SP100: variants seen among roughly 807,000 people sequenced by gnomAD.
The protein encoded by SP100 is nuclear autoantigen Sp-100.
SP100 carries 84 observed loss-of-function variants against 130.0 expected under a neutral mutation model. The observed-to-expected ratio is 0.65, with a 90% CI of 0.54 to 0.77. The LOEUF is 0.77. SP100 is among the 30% of genes least tolerant of loss of function. The pLI is 0.00. For missense variants in SP100, 978 were observed against 1,052.2 expected (o/e 0.93, Z 0.97); for synonymous variants, 331 against 351.7 (o/e 0.94, Z 0.66).
Position 230,539,326 on chromosome 2 carries a change from C to A in SP100, c.2154C>A (p.Asp718Glu), listed in dbSNP as rs766711812. The A allele has an allele frequency of 4.3e-6, 7 of 1,614,050 alleles. No homozygotes were observed. The highest frequency in any genetic ancestry group is 4.2e-6 in the Non-Finnish European group (5 of 1,179,902). ...CNKWGRLFCC[D>E]TCPRSFHEHC... ...AATGGGGACGGCTGTTCTGCTGCGA[C>A]ACTTGTCCAAGATCCTTTCATGAGC... The change falls in exon 25 of 29, where the codon GAC becomes GAA. Residue 718 changes from aspartate (D) to glutamate (E), a missense_variant. Physicochemically the swap from Asp to Glu is conservative, Grantham distance 45. Transcript: ENST00000340126.
intron 11 of SP100, among the ~76,000 whole-genome samples, chr2:230,465,728 C>A (rs2064909366): frequency 6.6e-6 from 1 of 152,074 alleles, no homozygotes; most frequent in African/African-American, 2.4e-5. Flanking sequence ...TTCACATATA[C>A]CCCCAAACCT....
intron 24 of SP100, chr2:230,516,069 T>A: frequency 5.0e-6 from 5 of 990,816 alleles, no homozygotes; most frequent in Non-Finnish European, 6.0e-6. Context: ...TGAATGCTTC[T>A]AAGTAAATAC....
At chr2:230,467,068 G>A in intron 12 of SP100, 52 bp from the exon 13 acceptor site, 3 of 1,212,484 alleles carry the variant, frequency 2.5e-6, no homozygotes. Flanking sequence ...TTCTGACTTG[G>A]TTCCCTTATC....
At chr2:230,437,372 A>G (rs2063325074) in intron 2 of SP100, among the ~76,000 whole-genome samples, 3 of 152,088 alleles carry the variant, frequency 2.0e-5, no homozygotes, top group South Asian at 4.1e-4. Context: ...TCTTTGATCC[A>G]ACACAGTGCA....
chr2:230,469,009 G>T, intron 13 of SP100, 34 bp from the exon 14 acceptor site: 1 of 1,312,626 alleles, frequency 7.6e-7, no homozygotes, highest in Non-Finnish European at 1.1e-6. Flanking sequence ...CTTTTAGTTA[G>T]ATATTATTGA....
At chr2:230,470,276 A>G in intron 15 of SP100, 178 bp downstream of exon 15, 2 of 1,324,566 alleles carry the variant, frequency 1.5e-6, no homozygotes, top group East Asian at 3.0e-5. Flanking sequence ...TGATAAACTC[A>G]TGTTTAACAG....
At chr2:230,424,925 G>A (rs796154542) in intron 2 of SP100, among the ~76,000 whole-genome samples, 2 of 151,648 alleles carry the variant, frequency 1.3e-5, no homozygotes, top group African/African-American at 2.4e-5. Context: ...AAACAATCCA[G>A]TACTTTAGGA....
intron 2 of SP100, among the ~76,000 whole-genome samples, chr2:230,442,481 A>G (rs1575611249): frequency 6.6e-6 from 1 of 152,298 alleles, no homozygotes; most frequent in South Asian, 2.1e-4. Flanking sequence ...CTTTCTTAAC[A>G]GCTACAGATT....
At chr2:230,531,537 A>T (rs1377932127) in intron 24 of SP100, among the ~76,000 whole-genome samples, 1 of 152,128 alleles carries the variant, frequency 6.6e-6, no homozygotes, top group African/African-American at 2.4e-5. Flanking sequence ...TTTAAAGTAT[A>T]TTTAAAAAAA....
chr2:230,457,496 T>A (rs1215151749), intron 8 of SP100, among the ~76,000 whole-genome samples: 15 of 152,058 alleles, frequency 9.9e-5, no homozygotes, highest in Non-Finnish European at 7.4e-5. Flanking sequence ...CTGGCTAGAG[T>A]CTGGGGCTTT....
intron 10 of SP100, 58 bp downstream of exon 10, chr2:230,462,576 A>G (rs1649863): frequency 0.3 from 369,531 of 1,231,576 alleles, 60,831 homozygotes; most frequent in South Asian, 0.5. Flanking sequence ...AAGAGCTACT[A>G]TTTCCTGAGG....
intron 2 of SP100, among the ~76,000 whole-genome samples, chr2:230,430,290 C>A (rs1033095469): frequency 1.3e-5 from 2 of 152,190 alleles, no homozygotes; most frequent in African/African-American, 4.8e-5. Flanking sequence ...TGACTGGACC[C>A]TTTTGTTGGG....
intron 11 of SP100, among the ~76,000 whole-genome samples, chr2:230,465,002 C>T (rs539378738): frequency 5.3e-5 from 8 of 152,052 alleles, no homozygotes; most frequent in South Asian, 2.1e-4. Context: ...CTTTGGGAGG[C>T]GGGGGCAGGC....
At chr2:230,525,352 T>C (rs1460386373) in intron 24 of SP100, among the ~76,000 whole-genome samples, 2 of 152,206 alleles carry the variant, frequency 1.3e-5, no homozygotes, top group Non-Finnish European at 2.9e-5. Context: ...TGGAGAAACT[T>C]GACTAATTAA....
At chr2:230,476,844 T>A (rs942553828) in intron 17 of SP100, among the ~76,000 whole-genome samples, 6 of 152,158 alleles carry the variant, frequency 3.9e-5, no homozygotes, top group African/African-American at 1.4e-4. Flanking sequence ...GAGAATGCTC[T>A]GTGTTTCTTT....
intron 2 of SP100, among the ~76,000 whole-genome samples, chr2:230,439,135 G>T (rs1459538854): frequency 3.3e-5 from 5 of 151,856 alleles, no homozygotes; most frequent in Admixed American, 6.6e-5. Context: ...ATATTTCTTG[G>T]CCATTTGCAT....
In SP100 at chr2:230,470,174, G is replaced by A. The variant is rs555323614; in HGVS notation, c.1429+76G>A. 5.3e-5 allele frequency: 82 copies of A among 1,534,652 alleles called. 1 individual carries two copies. Among genetic ancestry groups the A allele is most frequent in the Admixed American group, 8.4e-5 (4 of 47,850 alleles). On this transcript the variant is annotated intron_variant, in intron 15 of 28. Transcript: ENST00000340126. ...GAATTAAAAGCTGCTGTTTCCAGAC[G>A]CTTTTTATTCTGAGCACCTTCACTA... is the stretch of plus-strand genomic sequence containing the variant.
At chr2:230,433,358 TA>T (rs2063152104) in intron 2 of SP100, among the ~76,000 whole-genome samples, 1 of 152,210 alleles carries the variant, frequency 6.6e-6, no homozygotes. Flanking sequence ...TATTGATTTT[TA>T]TATATATTTA....
At chr2:230,488,275 G>C (rs901798006) in intron 17 of SP100, among the ~76,000 whole-genome samples, 1 of 152,142 alleles carries the variant, frequency 6.6e-6, no homozygotes, top group Non-Finnish European at 1.5e-5. Flanking sequence ...GTTTTCAAAG[G>C]GAATGCTTCC....
Sources: gnomAD v4.1 joint callset for allele counts (sites outside exome capture counted in the v4.1 genomes callset) on GRCh38, gnomAD v4.1.1 for gene constraint, MANE v1.5 for transcripts, NCBI Gene and HGNC (gene_info 2026-07-23, HGNC 2026-07-21) for gene names.